C13orf42: variants seen among roughly 807,000 people sequenced by gnomAD.
C13orf42 encodes the protein chromosome 13 open reading frame 42.
chr13:51,150,939 C>CA (rs1566139898), intron 1 of C13orf42, among the ~76,000 whole-genome samples: 1 of 152,144 alleles, frequency 6.6e-6, no homozygotes, highest in East Asian at 1.9e-4. Flanking sequence ...AGAAATGCTA[C>CA]CAAAAAAATT....
At position 51,169,910 on chromosome 13, in the gene C13orf42, C is replaced by T. The variant is rs9591396; in HGVS notation, n.136+2343G>A. 1.1e-3 allele frequency among the ~76,000 whole-genome samples: 169 copies of T among 152,326 alleles called. 1 individual carries two copies. Among genetic ancestry groups the T allele is most frequent in the African/African-American group, 3.6e-3 (148 of 41,568 alleles). On this transcript the variant is annotated intron_variant and non_coding_transcript_variant, in intron 1 of 4. Transcript: ENST00000433280. ...AGCCAAGCCATCGCATCCCCTGTGA[C>T]TTGCATGTATACGCCCAGATGGCCT...
intron 1 of C13orf42, among the ~76,000 whole-genome samples, chr13:51,141,562 G>A (rs969120589): frequency 1.3e-5 from 2 of 152,136 alleles, no homozygotes; most frequent in African/African-American, 4.8e-5. Flanking sequence ...TACTTTGGGA[G>A]GCTGAGGTGG....
At chr13:51,120,162 T>C (rs1157948653) in intron 1 of C13orf42, among the ~76,000 whole-genome samples, 1 of 152,214 alleles carries the variant, frequency 6.6e-6, no homozygotes, top group African/African-American at 2.4e-5. Context: ...GTAATAATCA[T>C]GGTTAATATT....
At chr13:51,130,052 G>C (rs1953604771) in intron 1 of C13orf42, among the ~76,000 whole-genome samples, 1 of 152,188 alleles carries the variant, frequency 6.6e-6, no homozygotes, top group Non-Finnish European at 1.5e-5. Flanking sequence ...TTGTGTGTGT[G>C]ATATGAAAGA....
chr13:51,106,042 T>A (rs1001426495), intron 1 of C13orf42, among the ~76,000 whole-genome samples: 9 of 152,226 alleles, frequency 5.9e-5, no homozygotes, highest in African/African-American at 2.2e-4. Flanking sequence ...CACTGTTTCC[T>A]CAGTTCTTTT....
At chr13:51,153,621 G>GTTTTTTTTTTTTTTTTTTTTTTTTTTT (rs1202370498) in intron 1 of C13orf42, among the ~76,000 whole-genome samples, 7 of 82,014 alleles carry the variant, frequency 8.5e-5, no homozygotes, top group Admixed American at 1.3e-4. Context: ...CTTGCTTTCT[G>GTTTTTTTTTTTTTTTTTTTTTTTTTTT]TTTTTTTTCT....
At chr13:51,156,645 C>T (rs59439755) in intron 1 of C13orf42, among the ~76,000 whole-genome samples, 7,498 of 152,210 alleles carry the variant, frequency 0.049, 629 homozygotes, top group African/African-American at 0.17. Flanking sequence ...CAAAAGACAC[C>T]TACCATATAA....
At position 51,091,232 on chromosome 13, in the gene C13orf42, G is replaced by A. The variant is rs527888764; in HGVS notation, c.415-3157C>T. On this transcript the variant is annotated intron_variant, in intron 1 of 3. Coordinates refer to ENST00000563710, the MANE Select transcript of C13orf42 (RefSeq NM_001351589.3). ...ATTATAAAACTCGTTATAAAAGATC[G>A]AAAGATCTTTTGGATCCTGCTGTGG... Among the ~76,000 whole-genome samples, 29 of 152,256 alleles carry A rather than the reference G, an allele frequency of 1.9e-4. No homozygotes were observed. In the South Asian group the frequency reaches 4.8e-3, roughly 25 times the overall value.
At chr13:51,159,293 A>G (rs1446897944) in intron 1 of C13orf42, among the ~76,000 whole-genome samples, 2 of 152,216 alleles carry the variant, frequency 1.3e-5, no homozygotes, top group Non-Finnish European at 2.9e-5. Context: ...TGTGGATTTC[A>G]GACAGCACCA....
At chr13:51,140,425 G>C (rs1412770207) in intron 1 of C13orf42, among the ~76,000 whole-genome samples, 2 of 152,154 alleles carry the variant, frequency 1.3e-5, no homozygotes, top group Non-Finnish European at 1.5e-5. Context: ...AATTAACTGA[G>C]ATCTGTCTTG....
At chr13:51,105,007 G>A (rs1021016300) in intron 1 of C13orf42, among the ~76,000 whole-genome samples, 7 of 152,208 alleles carry the variant, frequency 4.6e-5, no homozygotes, top group Non-Finnish European at 1.0e-4. Context: ...ATGCTAGGAT[G>A]CAGGGTGGAG....
At chr13:51,097,934 C>T (rs1333545487) in intron 1 of C13orf42, among the ~76,000 whole-genome samples, 2 of 152,126 alleles carry the variant, frequency 1.3e-5, no homozygotes, top group African/African-American at 4.8e-5. Context: ...GCCAGCTCCA[C>T]TCCAGTTTGC....
chr13:51,157,453 A>C (rs1953833159), intron 1 of C13orf42, among the ~76,000 whole-genome samples: 1 of 148,872 alleles, frequency 6.7e-6, no homozygotes, highest in Non-Finnish European at 1.5e-5. Context: ...AATAAAATAA[A>C]ATAAAATAAA....
At chr13:51,134,453 C>T (rs753192537) in intron 1 of C13orf42, among the ~76,000 whole-genome samples, 1 of 152,130 alleles carries the variant, frequency 6.6e-6, no homozygotes, top group African/African-American at 2.4e-5. Flanking sequence ...GCAAAGGGGC[C>T]GTTACAGAGT....
intron 1 of C13orf42, among the ~76,000 whole-genome samples, chr13:51,168,165 T>C (rs913619445): frequency 1.6e-4 from 25 of 152,218 alleles, no homozygotes; most frequent in African/African-American, 6.0e-4. Context: ...TTATAAGCAT[T>C]ACTCCCCATT....
At chr13:51,140,384 C>A (rs532070886) in intron 1 of C13orf42, among the ~76,000 whole-genome samples, 1 of 152,224 alleles carries the variant, frequency 6.6e-6, no homozygotes, top group Non-Finnish European at 1.5e-5. Context: ...GACACGAGCA[C>A]GTCCTCAACC....
At position 51,085,589 on chromosome 13, in the gene C13orf42, G is replaced by A. The variant is rs562006520; in HGVS notation, c.563-30C>T. The A allele has an allele frequency of 2.5e-4, 101 of 398,738 alleles. 2 individuals carry two copies. The Admixed American group carries it at 3.6e-3, about 14-fold the overall frequency. 24.7% of individuals were successfully genotyped at this position (398,738 alleles called of 1,614,324 possible). On this transcript the variant is annotated intron_variant, in intron 2 of 3. Transcript: ENST00000563710. Reference sequence around the variant, plus strand: ...AAGAGAAAAGCATGTGACCCAGGAAGGAAGGGCTTGCCATTGGGAGGCGCA... The same window carrying A: ...AAGAGAAAAGCATGTGACCCAGGAAAGAAGGGCTTGCCATTGGGAGGCGCA...
At chr13:51,093,902 T>C (rs1953206114) in intron 1 of C13orf42, among the ~76,000 whole-genome samples, 1 of 152,204 alleles carries the variant, frequency 6.6e-6, no homozygotes, top group South Asian at 2.1e-4. Flanking sequence ...TTTTCCCATA[T>C]AATAAATTGA....
intron 1 of C13orf42, among the ~76,000 whole-genome samples, chr13:51,097,014 C>A (rs1383637778): frequency 6.6e-6 from 1 of 152,032 alleles, no homozygotes; most frequent in African/African-American, 2.4e-5. Flanking sequence ...TTTAAAAAAA[C>A]AAAAAGGAGC....
Sources: gnomAD v4.1 joint callset for allele counts (sites outside exome capture counted in the v4.1 genomes callset) on GRCh38, gnomAD v4.1.1 for gene constraint, MANE v1.5 for transcripts, NCBI Gene and HGNC (gene_info 2026-07-23, HGNC 2026-07-21) for gene names.